Variants in PCDHA12 observed in about 807,000 individuals in gnomAD.
The protein encoded by PCDHA12 is protocadherin alpha-12.
In PCDHA12, 44 loss-of-function variants were observed where a neutral mutation model predicts 60.0. The ratio of observed to expected loss-of-function variants is 0.73; its 90% CI spans 0.58 to 0.94. PCDHA12 has a LOEUF of 0.94. PCDHA12 is among the 40% of genes least tolerant of loss of function. The pLI, the probability that PCDHA12 is intolerant of heterozygous loss-of-function variation, is 0.00. For missense variants in PCDHA12, 1,276 were observed against 1,239.7 expected (o/e 1.03, Z -0.44); for synonymous variants, 569 against 553.0 (o/e 1.03, Z -0.40).
rs1164447924 is a variant in PCDHA12, at chr5:141,009,514, AT to A, written c.2516-108del. The A allele has an allele frequency of 1.5e-5, 22 of 1,501,204 alleles. 1 individual carries two copies. The South Asian group carries it at 1.9e-4, about 13-fold the overall frequency. 93.0% of individuals were successfully genotyped at this position (1,501,204 alleles called of 1,614,324 possible). ...CTCAGACTTGAACAAACAACTCGTG[AT>A]TTTTCTGGGGAGGTTCAGCCTGCCT... On this transcript the variant is annotated intron_variant, in intron 3 of 3. Coordinates refer to ENST00000398631, the MANE Select transcript of PCDHA12 (RefSeq NM_018903.4).
intron 1 of PCDHA12, among the ~76,000 whole-genome samples, chr5:140,894,634 T>C (rs1412183022): frequency 1.3e-5 from 2 of 151,970 alleles, no homozygotes; most frequent in Non-Finnish European, 2.9e-5. Flanking sequence ...TCCAATCATA[T>C]CATTACTGAG....
rs571215806 is a variant in PCDHA12, at chr5:140,940,454, G to T, written c.2368-38495G>T. Among the ~76,000 whole-genome samples, 18 of 151,694 alleles carry T rather than the reference G, an allele frequency of 1.2e-4. No homozygotes were observed. The East Asian group carries it at 3.3e-3, about 28-fold the overall frequency. On this transcript the variant is annotated intron_variant, in intron 1 of 3. Coordinates refer to ENST00000398631, the MANE Select transcript of PCDHA12 (RefSeq NM_018903.4). ...AAGTCTGCCATGATATTTTTTATAGGTTTCTGTTCCCTGCAATTTTTTTTT... is the reference window on the plus strand; with the variant it reads ...AAGTCTGCCATGATATTTTTTATAGTTTTCTGTTCCCTGCAATTTTTTTTT...
In PCDHA12 at chr5:140,968,743, C is replaced by G. The variant is rs112674082; in HGVS notation, c.2368-10206C>G. Reference sequence around the variant, plus strand: ...AGAGTGGTAGCACTTTCAACCTGACCGTGGTGGTCCGAGATAATGGAGAGC... The same window carrying G: ...AGAGTGGTAGCACTTTCAACCTGACGGTGGTGGTCCGAGATAATGGAGAGC... On this transcript the variant is annotated intron_variant, in intron 1 of 3. Transcript: ENST00000398631. 10 of 1,614,060 alleles carry G rather than the reference C, an allele frequency of 6.2e-6. No homozygotes were observed. The South Asian group carries it at 9.9e-5, about 16-fold the overall frequency.
Position 140,884,200 on chromosome 5 carries a change from C to T in PCDHA12, c.2367+6361C>T, listed in dbSNP as rs2060048327. 2.5e-6 allele frequency: 4 copies of T among 1,613,458 alleles called. No individual in the cohort carries two copies. The Admixed American group carries it at 5.0e-5, about 20-fold the overall frequency. Reference sequence around the variant, plus strand: ...CTCTGGACGAGGTGGACGCGCCGCACCACCGCCTTCTGGTGCTGGTGAAGG... The same window carrying T: ...CTCTGGACGAGGTGGACGCGCCGCATCACCGCCTTCTGGTGCTGGTGAAGG... On this transcript the variant is annotated intron_variant, in intron 1 of 3. Transcript: ENST00000398631.
Position 140,877,317 on chromosome 5 carries a change from G to T in PCDHA12, c.1845G>T (p.Ala615=), listed in dbSNP as rs535177109. The T allele has an allele frequency of 1.2e-6, 2 of 1,614,004 alleles. No individual in the cohort carries two copies. The highest frequency in any genetic ancestry group is 1.1e-5 in the South Asian group (1 of 91,082). The part of the protein sequence containing the change: ...AWLSYELQPA[A]VGAHIPFHVG... ...TGTCCTACGAGTTGCAACCGGCGGC[G>T]GTCGGCGCGCACATCCCGTTCCACG... Residue 615 remains alanine (A), a synonymous_variant, in exon 1 of 4, where the codon GCG becomes GCT. Transcript: ENST00000398631.
At chr5:141,003,324 C>T (rs909788744) in intron 3 of PCDHA12, among the ~76,000 whole-genome samples, 4 of 152,132 alleles carry the variant, frequency 2.6e-5, no homozygotes, top group African/African-American at 9.7e-5. Flanking sequence ...TTCCAGAGGG[C>T]AGGGTTTTTT....
In PCDHA12 at chr5:141,010,472, A is replaced by G. The variant is rs2098417397; in HGVS notation, c.*535A>G. ...AGCGGAAGTTATCAGTATGGAGGGG[A>G]AGTGTAAACTTAAAGGGACCAGACT... On this transcript the variant is annotated 3_prime_UTR_variant, in exon 4 of 4. Transcript: ENST00000398631. The G allele has an allele frequency of 1.3e-6, 1 of 762,088 alleles. No homozygotes were observed. Among genetic ancestry groups the G allele is most frequent in the African/African-American group, 1.8e-5 (1 of 56,688 alleles). 47.2% of individuals were successfully genotyped at this position (762,088 alleles called of 1,614,324 possible).
intron 1 of PCDHA12, among the ~76,000 whole-genome samples, chr5:140,935,451 T>C (rs2090381894): frequency 6.6e-6 from 1 of 152,232 alleles, no homozygotes; most frequent in African/African-American, 2.4e-5. Context: ...AATATGATAC[T>C]GTAGCAGTTT....
chr5:140,881,398 A>G, intron 1 of PCDHA12: 1 of 975,546 alleles, frequency 1.0e-6, no homozygotes, highest in Non-Finnish European at 1.2e-6. Context: ...GTTAAATTCT[A>G]TTAAATCAAT....
intron 1 of PCDHA12, chr5:140,882,379 G>A (rs782537158): frequency 1.9e-6 from 3 of 1,614,230 alleles, no homozygotes; most frequent in South Asian, 1.1e-5. Context: ...CCGTCCCCGA[G>A]GAAGCAAAAC....
In PCDHA12 at chr5:141,009,849, C is replaced by G; in HGVS notation, c.2738C>G (p.Thr913Ser). The change falls in exon 4 of 4, where the codon ACC (threonine) becomes AGC (serine). Residue 913 changes from threonine (T) to serine (S), a missense_variant. Physicochemically the swap from Thr to Ser is moderately conservative, Grantham distance 58. Coordinates refer to ENST00000398631, the MANE Select transcript of PCDHA12 (RefSeq NM_018903.4). ...ATAACCTTCGGCAAAAAGGAGGAGA[C>G]CAAGAAAAAGAAGAAAAAGAAGAAG... ...DFITFGKKEE[T>S]KKKKKKKKGN... 1 of 1,613,364 alleles carries G rather than the reference C, an allele frequency of 6.2e-7. No homozygotes were observed. The highest frequency in any genetic ancestry group is 8.5e-7 in the Non-Finnish European group (1 of 1,179,856).
At chr5:140,989,620 C>T (rs1197614071) in intron 3 of PCDHA12, among the ~76,000 whole-genome samples, 1 of 152,168 alleles carries the variant, frequency 6.6e-6, no homozygotes, top group African/African-American at 2.4e-5. Context: ...GAAAGTCTGT[C>T]CTAGTGACAG....
At chr5:140,959,373 CA>C (rs1243465116) in intron 1 of PCDHA12, among the ~76,000 whole-genome samples, 26 of 145,126 alleles carry the variant, frequency 1.8e-4, no homozygotes, top group South Asian at 2.2e-4. Flanking sequence ...GACCCTGTCT[CA>C]AAAAAAAAAG....
intron 1 of PCDHA12, among the ~76,000 whole-genome samples, chr5:140,961,632 A>G (rs373824042): frequency 7.9e-5 from 12 of 152,214 alleles, no homozygotes; most frequent in South Asian, 4.1e-4. Flanking sequence ...ATGAAAAACA[A>G]TCTTAAGTCT....
intron 1 of PCDHA12, chr5:140,883,404 C>A: frequency 6.2e-7 from 1 of 1,614,222 alleles, no homozygotes; most frequent in Non-Finnish European, 8.5e-7. Context: ...GATCGTGACT[C>A]TGGCTCAAAT....
intron 1 of PCDHA12, chr5:140,927,270 C>A (rs541200655): frequency 1.2e-6 from 2 of 1,614,034 alleles, no homozygotes; most frequent in Non-Finnish European, 1.7e-6. Context: ...TCTTTCCTGC[C>A]GGCGACGTGC....
At chr5:140,969,251 A>T in intron 1 of PCDHA12, 3 of 1,614,262 alleles carry the variant, frequency 1.9e-6, no homozygotes, top group Non-Finnish European at 2.5e-6. Context: ...AGTGACTGAC[A>T]GCAGGAATCT....
chr5:140,877,511 C>G lies in PCDHA12; in HGVS notation c.2039C>G (p.Ser680Trp). 6.2e-7 allele frequency: 1 copy of G among 1,613,808 alleles called. No homozygotes were observed. The highest frequency in any genetic ancestry group is 1.1e-5 in the South Asian group (1 of 91,082). The change falls in exon 1 of 4, where the codon TCG becomes TGG. Residue 680 changes from serine (S) to tryptophan (W), a missense_variant. Physicochemically the swap from Ser to Trp is radical, Grantham distance 177. Coordinates refer to ENST00000398631, the MANE Select transcript of PCDHA12 (RefSeq NM_018903.4). ...AACGGCCAGGCCCCAAAGACGTCGT[C>G]GCGGGCCTCAGTGGGCGCTGTGGAT... ...VENGQAPKTS[S>W]RASVGAVDPE... is the part of the protein sequence containing the mutation.
In PCDHA12 at chr5:140,981,654, ATTTCTTCCTTCC is replaced by A. The variant is rs563193906; in HGVS notation, c.2427-807_2427-796del. Among the ~76,000 whole-genome samples the A allele has an allele frequency of 1.4e-4, 22 of 152,142 alleles. No individual in the cohort carries two copies. In the East Asian group the frequency reaches 3.9e-3, roughly 27 times the overall value. On this transcript the variant is annotated intron_variant, in intron 2 of 3. Coordinates refer to ENST00000398631, the MANE Select transcript of PCDHA12 (RefSeq NM_018903.4). ...GACATTTTCTCTTAGGATCCCACTTATTTCTTCCTTCCTTTCTTCCTTCCTCCCTTCCATCAT... is the reference window on the plus strand; with the variant it reads ...GACATTTTCTCTTAGGATCCCACTTATTTCTTCCTTCCTCCCTTCCATCAT...
Sources: allele counts gnomAD v4.1 joint callset (sites outside exome capture counted in the v4.1 genomes callset), GRCh38; gene constraint gnomAD v4.1.1; transcripts MANE v1.5; gene names NCBI Gene and HGNC (gene_info 2026-07-23, HGNC 2026-07-21).